Variants in RANBP6 observed in about 807,000 individuals in gnomAD.
RANBP6 encodes ran-binding protein 6.
RANBP6 carries 10 observed loss-of-function variants against 35.3 expected under a neutral mutation model. The ratio of observed to expected loss-of-function variants is 0.28; its 90% confidence interval spans 0.17 to 0.48. RANBP6 has a LOEUF of 0.48. RANBP6 is among the 20% of genes least tolerant of loss of function. The pLI, the probability that RANBP6 is intolerant of heterozygous loss-of-function variation, is 0.99. For synonymous variants in RANBP6, 514 were observed against 464.2 expected, an observed-to-expected ratio of 1.11 and a Z score of -1.38; for missense variants, 1,392 against 1,307.7, an observed-to-expected ratio of 1.06 and a Z score of -0.99.
chr9:6,013,909 C>T lies in RANBP6; in HGVS notation c.1699G>A (p.Glu567Lys), dbSNP rs777758307. 6.8e-6 allele frequency: 11 copies of T among 1,613,808 alleles called. No homozygotes were observed. Among genetic ancestry groups the T allele is most frequent in the Non-Finnish European group, 9.3e-6 (11 of 1,180,006 alleles). Residue 567 changes from glutamate to lysine, a missense_variant, in exon 1 of 1, where the codon GAG becomes AAG. Glu to Lys is a moderately conservative substitution (Grantham distance 56, BLOSUM62 1). Transcript: ENST00000259569. The part of the protein sequence containing the change: ...ELKLLRGKTI[E>K]CISHIGLAVG... ...GCAAGACCAATATGGCTAATGCACT[C>T]GATAGTTTTTCCTCTCAGAAGCTTG...
At position 6,011,697 on chromosome 9, in the gene RANBP6, G is replaced by C. The variant is rs1222455269; in HGVS notation, c.*593C>G. 1.3e-5 allele frequency: 2 copies of C among 152,122 alleles called. No homozygotes were observed. The highest frequency in any genetic ancestry group is 2.9e-5 in the Non-Finnish European group (2 of 68,016). 9.4% of individuals were successfully genotyped at this position (152,122 alleles called of 1,614,324 possible). A position where few individuals can be genotyped will look rare whatever the true frequency, so the allele number is the denominator to read the frequency against. On this transcript the variant is annotated 3_prime_UTR_variant, in exon 1 of 1. Coordinates refer to ENST00000259569, the MANE Select transcript of RANBP6 (RefSeq NM_012416.4). The stretch of plus-strand genomic sequence containing the variant: ...TTAAAAGTTCTCTAACTCTCAACCA[G>C]ACACCTTGGGAACTACAATATGGAT...
chr9:6,012,304 G>A lies in RANBP6; in HGVS notation c.3304C>T (p.Leu1102=). ...DEQQEALQEL[L]NFA ...ATTAAAGTGCTTCAAGCAAAATTTAGCAACTCCTGTAAGGCTTCCTGCTGT... is the reference window on the plus strand; with the variant it reads ...ATTAAAGTGCTTCAAGCAAAATTTAACAACTCCTGTAAGGCTTCCTGCTGT... Residue 1102 remains leucine (L), a synonymous_variant, in exon 1 of 1, where the codon CTA becomes TTA. Transcript: ENST00000259569. 6.5e-7 allele frequency: 1 copy of A among 1,549,678 alleles called. No individual in the cohort carries two copies. The highest frequency in any genetic ancestry group is 8.7e-7 in the Non-Finnish European group (1 of 1,152,220).
In RANBP6 at chr9:6,011,387, A is replaced by G. The variant is rs1019858461; in HGVS notation, c.*903T>C. On this transcript the variant is annotated 3_prime_UTR_variant, in exon 1 of 1. Coordinates refer to ENST00000259569, the MANE Select transcript of RANBP6 (RefSeq NM_012416.4). ...ATAGAATACTCTTCAGTTCTACTCT[A>G]GAATCTCTTAGGAAATTATTTGAAA... 7 of 152,324 alleles carry G rather than the reference A, an allele frequency of 4.6e-5. No homozygotes were observed. Among genetic ancestry groups the G allele is most frequent in the African/African-American group, 1.2e-4 (5 of 41,554 alleles). The allele number at this position is 152,324 out of a possible 1,614,324, so 9.4% of individuals were successfully genotyped here.
Position 6,015,060 on chromosome 9 carries a change from C to T in RANBP6, c.548G>A (p.Arg183Gln), listed in dbSNP as rs755190245. Reference sequence around the variant, plus strand: ...ATCTTGAATACACTGGTCCAACAACCGTTTGATGATATCCAAATCATGCCG... The same window carrying T: ...ATCTTGAATACACTGGTCCAACAACTGTTTGATGATATCCAAATCATGCCG... ...QERHDLDIIK[R>Q]LLDQCIQDQE... The change falls in exon 1 of 1, where the codon CGG (arginine) becomes CAG (glutamine). Residue 183 changes from arginine to glutamine, a missense_variant. Physicochemically the swap from Arg to Gln is conservative, Grantham distance 43. Transcript: ENST00000259569. 15 of 1,614,144 alleles carry T rather than the reference C, an allele frequency of 9.3e-6. No homozygotes were observed. Among genetic ancestry groups the T allele is most frequent in the Non-Finnish European group, 1.1e-5 (13 of 1,180,018 alleles).
Position 6,011,412 on chromosome 9 carries a change from A to G in RANBP6, c.*878T>C, listed in dbSNP as rs965211240. The G allele has an allele frequency of 6.6e-6, 1 of 152,230 alleles. No homozygotes were observed. Among genetic ancestry groups the G allele is most frequent in the Admixed American group, 6.5e-5 (1 of 15,284 alleles). 9.4% of individuals were successfully genotyped at this position (152,230 alleles called of 1,614,324 possible). On this transcript the variant is annotated 3_prime_UTR_variant, in exon 1 of 1. Transcript: ENST00000259569. ...AGAATCTCTTAGGAAATTATTTGAA[A>G]TAGAAATCAATTTAAGCCCTATAAC...
In RANBP6 at chr9:6,015,401, C is replaced by G. The variant is rs140521084; in HGVS notation, c.207G>C (p.Met69Ile). 1 of 1,614,194 alleles carries G rather than the reference C, an allele frequency of 6.2e-7. No homozygotes were observed. The highest frequency in any genetic ancestry group is 8.5e-7 in the Non-Finnish European group (1 of 1,180,042). The change falls in exon 1 of 1, where the codon ATG (methionine) becomes ATC (isoleucine). Residue 69 changes from methionine (M) to isoleucine (I), a missense_variant. By Grantham distance (10) the Met-to-Ile change is conservative. Coordinates refer to ENST00000259569, the MANE Select transcript of RANBP6 (RefSeq NM_012416.4). ...NRRAGYEVRQ[M>I]AAALLRRLLS... is the part of the protein sequence containing the mutation. ...AAAGCCGTCGTAGCAGTGCGGCAGC[C>G]ATTTGTCTCACCTCATAACCTGCTC...
rs1370287493 is a variant in RANBP6, at chr9:6,011,991, T to C, written c.*299A>G. ...CATCAAGTATACTGCTTGGCTAGCA[T>C]CAATAATAGTTCAAACAAATAGCAA... On this transcript the variant is annotated 3_prime_UTR_variant, in exon 1 of 1. Coordinates refer to ENST00000259569, the MANE Select transcript of RANBP6 (RefSeq NM_012416.4). 9.5e-6 allele frequency: 2 copies of C among 209,724 alleles called. No individual in the cohort carries two copies. Among genetic ancestry groups the C allele is most frequent in the Admixed American group, 5.3e-5 (1 of 18,744 alleles). 13.0% of individuals were successfully genotyped at this position (209,724 alleles called of 1,614,324 possible).
Position 6,014,856 on chromosome 9 carries a change from A to T in RANBP6, c.752T>A (p.Ile251Asn). Residue 251 changes from isoleucine to asparagine, a missense_variant, in exon 1 of 1, where the codon ATT becomes AAT. By Grantham distance (149) the Ile-to-Asn change is moderately radical. Coordinates refer to ENST00000259569, the MANE Select transcript of RANBP6 (RefSeq NM_012416.4). ...DDSVLESLVE[I>N]ADTVPKYLGP... is the part of the protein sequence containing the mutation. The stretch of plus-strand genomic sequence containing the variant: ...CAAGTACTTAGGTACGGTATCTGCA[A>T]TCTCAACAAGGGATTCTAGCACTGA... 6.2e-7 allele frequency: 1 copy of T among 1,614,218 alleles called. No homozygotes were observed. The highest frequency in any genetic ancestry group is 8.5e-7 in the Non-Finnish European group (1 of 1,180,046).
rs775098444 is a variant in RANBP6, at chr9:6,013,610, T to C, written c.1998A>G (p.Gln666=). The C allele has an allele frequency of 1.9e-5, 31 of 1,614,102 alleles. No individual in the cohort carries two copies. The South Asian group carries it at 2.4e-4, about 13-fold the overall frequency. The change falls in exon 1 of 1, where the codon CAA becomes CAG. Residue 666 remains glutamine, a synonymous_variant. Coordinates refer to ENST00000259569, the MANE Select transcript of RANBP6 (RefSeq NM_012416.4). ...VENMSDDDGW[Q]FVNLGDQQSF... is the part of the protein sequence containing the mutation. ...TCTGCTGGTCTCCAAGATTTACAAA[T>C]TGCCAGCCATCATCGTCACTCATAT...
Position 6,014,266 on chromosome 9 carries a change from C to G in RANBP6, c.1342G>C (p.Glu448Gln), listed in dbSNP as rs1376384710. The G allele has an allele frequency of 1.2e-6, 2 of 1,614,082 alleles. No individual in the cohort carries two copies. The highest frequency in any genetic ancestry group is 1.7e-6 in the Non-Finnish European group (2 of 1,180,038). ...CGTAACAGAGCTGCAATCACTGTTT[C>G]ATGAAATTTCTTTTGGAAATTAGGT... ...FAPNFQKKFH[E>Q]TVIAALLRTM... The change falls in exon 1 of 1, where the codon GAA (glutamate) becomes CAA (glutamine). Residue 448 changes from glutamate to glutamine, a missense_variant. Transcript: ENST00000259569.
In RANBP6 at chr9:6,015,587, T is replaced by C. The variant is rs760805027; in HGVS notation, c.21A>G (p.Ala7=). The C allele has an allele frequency of 7.5e-6, 12 of 1,598,644 alleles. No individual in the cohort carries two copies. Among genetic ancestry groups the C allele is most frequent in the Non-Finnish European group, 1.0e-5 (12 of 1,177,640 alleles). ...TTTCTGACACGGTCGCCGGCACCCC[T>C]GCAGACGCGGTTGCCGCCATTGCGC... MAATAS[A]GVPATVSEKQ... is the part of the protein sequence containing the mutation. Residue 7 remains alanine (A), a synonymous_variant, in exon 1 of 1, where the codon GCA becomes GCG. Coordinates refer to ENST00000259569, the MANE Select transcript of RANBP6 (RefSeq NM_012416.4).
rs1842507675 is a variant in RANBP6, at chr9:6,013,248, A to G, written c.2360T>C (p.Val787Ala). 6.2e-7 allele frequency: 1 copy of G among 1,613,988 alleles called. No homozygotes were observed. The highest frequency in any genetic ancestry group is 1.1e-5 in the South Asian group (1 of 91,088). The change falls in exon 1 of 1, where the codon GTT becomes GCT. Residue 787 changes from valine to alanine, a missense_variant. Physicochemically the swap from Val to Ala is moderately conservative, Grantham distance 64. Coordinates refer to ENST00000259569, the MANE Select transcript of RANBP6 (RefSeq NM_012416.4). ...IMNSFAKSIE[V>A]MGDGCLNDEH... ...ATCATTAAGGCAACCATCTCCCATA[A>G]CTTCAATGGACTTTGCAAAAGAATT...
In RANBP6 at chr9:6,013,078, C is replaced by T. The variant is rs1842504870; in HGVS notation, c.2530G>A (p.Val844Ile). The T allele has an allele frequency of 6.2e-7, 1 of 1,613,942 alleles. No homozygotes were observed. Among genetic ancestry groups the T allele is most frequent in the Non-Finnish European group, 8.5e-7 (1 of 1,179,982 alleles). ...MSLQDEDECD[V>I]YILTKVSDIL... ...TCTGATACTTTGGTCAGAATATAAA[C>T]ATCACATTCATCCTCATCTTGCAGA... The change falls in exon 1 of 1, where the codon GTT (valine) becomes ATT (isoleucine). Residue 844 changes from valine (V) to isoleucine (I), a missense_variant. Transcript: ENST00000259569.
Position 6,015,376 on chromosome 9 carries a change from A to AAG in RANBP6, c.231_232insCT (p.Ser79CysfsTer24), listed in dbSNP as rs767992262. The stretch of plus-strand genomic sequence containing the variant: ...TAAACCTCCTCAAACCCAGAGGACA[A>AAG]AAGCCGTCGTAGCAGTGCGGCAGCC... On this transcript the variant is annotated frameshift_variant, in exon 1 of 1. Coordinates refer to ENST00000259569, the MANE Select transcript of RANBP6 (RefSeq NM_012416.4). LOFTEE classifies it low-confidence loss of function (END_TRUNC). The AAG allele has an allele frequency of 3.1e-6, 5 of 1,614,102 alleles. No individual in the cohort carries two copies. The African/African-American group carries it at 6.7e-5, about 22-fold the overall frequency.
Position 6,013,765 on chromosome 9 carries a change from C to G in RANBP6, c.1843G>C (p.Ala615Pro). 1 of 1,613,876 alleles carries G rather than the reference C, an allele frequency of 6.2e-7. No individual in the cohort carries two copies. The highest frequency in any genetic ancestry group is 8.5e-7 in the Non-Finnish European group (1 of 1,180,048). ...AGAATTTTACACATTCTAGCCCATG[C>G]TGAAACCATGTAAGAGGTCTGAGGG... ...DDPQTSYMVS[A>P]WARMCKILGK... Residue 615 changes from alanine to proline, a missense_variant, in exon 1 of 1, where the codon GCA becomes CCA. Coordinates refer to ENST00000259569, the MANE Select transcript of RANBP6 (RefSeq NM_012416.4).
Position 6,014,369 on chromosome 9 carries a change from C to T in RANBP6, c.1239G>A (p.Leu413=). The T allele has an allele frequency of 6.2e-7, 1 of 1,613,712 alleles. No homozygotes were observed. Among genetic ancestry groups the T allele is most frequent in the Non-Finnish European group, 8.5e-7 (1 of 1,179,622 alleles). ...SILDETVNSV[L]LFLQDPHPRV... ...TTGGATGAGGATCCTGAAGAAAAAGCAAAACGGAGTTAACTGTTTCATCTA... is the reference window on the plus strand; with the variant it reads ...TTGGATGAGGATCCTGAAGAAAAAGTAAAACGGAGTTAACTGTTTCATCTA... Residue 413 remains leucine, a synonymous_variant, in exon 1 of 1, where the codon TTG becomes TTA. Coordinates refer to ENST00000259569, the MANE Select transcript of RANBP6 (RefSeq NM_012416.4).
rs1404243460 is a variant in RANBP6 at position 6,013,394 on chromosome 9, G to C, written c.2214C>G (p.Leu738=). ...GGCCACGAATTCTTGCACATTCCAG[G>C]AGAAAAGGCATGGACTCTGCTGCTG... ...RVAAAESMPF[L]LECARIRGPE... is the part of the protein sequence containing the mutation. The change falls in exon 1 of 1, where the codon CTC becomes CTG. Residue 738 remains leucine (L), a synonymous_variant. Coordinates refer to ENST00000259569, the MANE Select transcript of RANBP6 (RefSeq NM_012416.4). The C allele has an allele frequency of 6.2e-7, 1 of 1,614,152 alleles. No individual in the cohort carries two copies. The highest frequency in any genetic ancestry group is 1.7e-5 in the Admixed American group (1 of 60,026).
chr9:6,013,172 G>C lies in RANBP6; in HGVS notation c.2436C>G (p.His812Gln). The C allele has an allele frequency of 6.2e-7, 1 of 1,613,864 alleles. No homozygotes were observed. Among genetic ancestry groups the C allele is most frequent in the Non-Finnish European group, 8.5e-7 (1 of 1,179,986 alleles). Residue 812 changes from histidine (H) to glutamine (Q), a missense_variant, in exon 1 of 1, where the codon CAC becomes CAG. His to Gln is a conservative substitution (Grantham distance 24). Transcript: ENST00000259569. ...GGILKAKLEG[H>Q]FKNQELRQVK... ...CCTGTCTCAATTCTTGGTTTTTAAA[G>C]TGCCCTTCAAGTTTTGCTTTCAGTA...
rs569768749 is a variant in RANBP6 at position 6,014,792 on chromosome 9, C to T, written c.816G>A (p.Lys272=). The T allele has an allele frequency of 6.3e-5, 102 of 1,614,200 alleles. No homozygotes were observed. In the South Asian group the frequency reaches 1.1e-3, roughly 17 times the overall value. Residue 272 remains lysine, a synonymous_variant, in exon 1 of 1, where the codon AAG becomes AAA. Transcript: ENST00000259569. ...TACTAAGCCTAGAGTCTCCACATAA[C>T]TTCAAACTCAACTGTAGAGTATCTT... is the stretch of plus-strand genomic sequence containing the variant. ...YLEDTLQLSL[K]LCGDSRLSNL...
Sources: allele counts gnomAD v4.1 joint callset, GRCh38; gene constraint gnomAD v4.1.1; transcripts MANE v1.5; gene names NCBI Gene and HGNC (gene_info 2026-07-23, HGNC 2026-07-21).